CACNA2D3: variants seen among roughly 807,000 people sequenced by gnomAD.
The protein encoded by CACNA2D3 is voltage-dependent calcium channel subunit alpha-2/delta-3.
Under a neutral mutation model 160.6 loss-of-function variants are expected in CACNA2D3, and 60 were observed. That is an observed-to-expected ratio of 0.37 (90% CI 0.30 to 0.46). CACNA2D3 has a LOEUF of 0.46. CACNA2D3 is among the 20% of genes least tolerant of loss of function. The pLI is 1.00. For missense variants in CACNA2D3, 1,205 were observed against 1,365.0 expected (o/e 0.88, Z 1.85); for synonymous variants, 558 against 492.9 (o/e 1.13, Z -1.75).
chr3:54,223,426 C>G (rs1184768212), intron 2 of CACNA2D3, among the ~76,000 whole-genome samples: 2 of 152,118 alleles, frequency 1.3e-5, no homozygotes, highest in South Asian at 4.1e-4. Flanking sequence ...AAAGATGGTA[C>G]ACCTGTATAG....
chr3:55,001,828 A>G (rs1441371874), intron 31 of CACNA2D3, among the ~76,000 whole-genome samples: 1 of 152,202 alleles, frequency 6.6e-6, no homozygotes, highest in East Asian at 1.9e-4. Context: ...AAGTCAGGAA[A>G]CGAAGCCTTT....
intron 35 of CACNA2D3, among the ~76,000 whole-genome samples, chr3:55,067,927 T>A (rs531252371): frequency 6.6e-6 from 1 of 152,340 alleles, no homozygotes; most frequent in East Asian, 1.9e-4. Flanking sequence ...TTAAAGCATA[T>A]GGCTAGAAGC....
chr3:55,049,293 G>A (rs1188648977), intron 35 of CACNA2D3, among the ~76,000 whole-genome samples: 1 of 147,136 alleles, frequency 6.8e-6, no homozygotes, highest in African/African-American at 2.6e-5. Context: ...AGAGATTCTG[G>A]TATGTCGTGT....
chr3:54,645,381 G>A (rs918942497), intron 11 of CACNA2D3, among the ~76,000 whole-genome samples: 6 of 152,182 alleles, frequency 3.9e-5, no homozygotes, highest in Admixed American at 6.5e-5. Flanking sequence ...AAACCATATC[G>A]TTATTCTATA....
intron 3 of CACNA2D3, among the ~76,000 whole-genome samples, chr3:54,342,618 C>T (rs1698378199): frequency 6.6e-6 from 1 of 152,152 alleles, no homozygotes; most frequent in South Asian, 2.1e-4. Context: ...CCCTCCAAAC[C>T]AGTAGCTTAG....
intron 34 of CACNA2D3, among the ~76,000 whole-genome samples, chr3:55,010,201 A>G (rs1703179154): frequency 6.6e-6 from 1 of 152,132 alleles, no homozygotes; most frequent in African/African-American, 2.4e-5. Context: ...ACATGGACAC[A>G]AAGAAGGGAA....
chr3:54,899,405 C>T (rs557698210), intron 26 of CACNA2D3, among the ~76,000 whole-genome samples: 2 of 152,316 alleles, frequency 1.3e-5, no homozygotes, highest in South Asian at 2.1e-4. Flanking sequence ...AGCCCTCATA[C>T]AGCTCTTCAT....
At chr3:54,555,388 A>G (rs1345937385) in intron 5 of CACNA2D3, among the ~76,000 whole-genome samples, 1 of 152,190 alleles carries the variant, frequency 6.6e-6, no homozygotes, top group African/African-American at 2.4e-5. Flanking sequence ...ATGCAAAACT[A>G]ATCTGGAAAG....
chr3:54,632,340 G>T (rs1049142849), intron 10 of CACNA2D3: 2 of 152,266 alleles, frequency 1.3e-5, no homozygotes, highest in African/African-American at 4.8e-5. Context: ...GATGTTTTCA[G>T]ATGAGTTTGT....
At chr3:54,968,618 T>TA (rs1702206185) in intron 28 of CACNA2D3, 107 bp downstream of exon 28, 5 of 762,898 alleles carry the variant, frequency 6.6e-6, no homozygotes, top group Middle Eastern at 4.6e-4. Context: ...TGAATGTTTG[T>TA]AAAATCAACT....
At chr3:54,893,732 A>C (rs1309456994) in intron 25 of CACNA2D3, among the ~76,000 whole-genome samples, 2 of 152,054 alleles carry the variant, frequency 1.3e-5, no homozygotes, top group Non-Finnish European at 2.9e-5. Flanking sequence ...CGCCACCTGC[A>C]TTTGGAAGTA....
At chr3:55,024,147 A>G (rs1422592470) in intron 35 of CACNA2D3, among the ~76,000 whole-genome samples, 2 of 143,020 alleles carry the variant, frequency 1.4e-5, no homozygotes, top group African/African-American at 2.6e-5. Context: ...CAATGGGTTC[A>G]GAATGTGAGT....
At chr3:54,309,625 G>T (rs1703685403) in intron 2 of CACNA2D3, among the ~76,000 whole-genome samples, 1 of 152,128 alleles carries the variant, frequency 6.6e-6, no homozygotes, top group Non-Finnish European at 1.5e-5. Context: ...GGGAGCATGG[G>T]CTCTGGGGGC....
intron 2 of CACNA2D3, among the ~76,000 whole-genome samples, chr3:54,300,239 T>A (rs1046353297): frequency 6.6e-6 from 1 of 152,242 alleles, no homozygotes; most frequent in Non-Finnish European, 1.5e-5. Context: ...GTTTTGGGAC[T>A]TGTCTTGTTG....
intron 3 of CACNA2D3, among the ~76,000 whole-genome samples, chr3:54,376,148 C>G (rs1699008619): frequency 2.0e-5 from 3 of 152,150 alleles, no homozygotes; most frequent in Admixed American, 2.0e-4. Context: ...GCTCAACACC[C>G]TTGCCTATCT....
intron 27 of CACNA2D3, among the ~76,000 whole-genome samples, chr3:54,924,040 C>T (rs988748914): frequency 1.3e-5 from 2 of 152,202 alleles, no homozygotes; most frequent in Admixed American, 1.3e-4. Context: ...TCCAGAGTCC[C>T]TCATCTTTAA....
At chr3:54,507,256 C>A (rs1701385992) in intron 5 of CACNA2D3, among the ~76,000 whole-genome samples, 1 of 152,158 alleles carries the variant, frequency 6.6e-6, no homozygotes, top group Non-Finnish European at 1.5e-5. Flanking sequence ...TCCTATTATC[C>A]CTGTCCCTCC....
intron 2 of CACNA2D3, among the ~76,000 whole-genome samples, chr3:54,276,126 C>T (rs1367516421): frequency 6.6e-6 from 1 of 152,124 alleles, no homozygotes; most frequent in Non-Finnish European, 1.5e-5. Flanking sequence ...GTTGGCTGCC[C>T]ACTGCACCCC....
intron 12 of CACNA2D3, among the ~76,000 whole-genome samples, chr3:54,762,513 A>C (rs1434029752): frequency 6.6e-6 from 1 of 151,576 alleles, no homozygotes; most frequent in Non-Finnish European, 1.5e-5. Flanking sequence ...GCCAGGCCCC[A>C]GGGGGGGCAG....
Sources: gnomAD v4.1 joint callset for allele counts (sites outside exome capture counted in the v4.1 genomes callset) on GRCh38, gnomAD v4.1.1 for gene constraint, MANE v1.5 for transcripts, NCBI Gene and HGNC (gene_info 2026-07-23, HGNC 2026-07-21) for gene names.